PDE3A: variants seen among roughly 807,000 people sequenced by gnomAD.
The protein encoded by PDE3A is cGMP-inhibited 3',5'-cyclic phosphodiesterase 3A.
A neutral mutation model predicts 98.3 loss-of-function variants in PDE3A; 43 were observed. That is an observed-to-expected ratio of 0.44 (90% CI 0.34 to 0.56). PDE3A has a LOEUF of 0.56. Among genes scored for constraint, PDE3A ranks in the 20% least tolerant of loss-of-function variants. The pLI is 0.01. For missense variants in PDE3A, 1,427 were observed against 1,440.7 expected (o/e 0.99, Z 0.15); for synonymous variants, 663 against 567.9 (o/e 1.17, Z -2.38).
chr12:20,633,847 C>G lies in PDE3A; in HGVS notation c.1846+69C>G. ...CTTATTTTTGTTTTCCTGATCAAAA[C>G]AGTGATCTACATTTCTGATATTTTG... On this transcript the variant is annotated intron_variant, in intron 7 of 15. Transcript: ENST00000359062. The G allele has an allele frequency of 5.6e-6, 5 of 891,250 alleles. No homozygotes were observed. In the South Asian group the frequency reaches 8.0e-5, roughly 14 times the overall value. 55.2% of individuals were successfully genotyped at this position (891,250 alleles called of 1,614,324 possible). A position where few individuals can be genotyped will look rare whatever the true frequency, so the allele number is the denominator to read the frequency against.
At chr12:20,370,714 C>T (rs1591851689) in intron 1 of PDE3A, among the ~76,000 whole-genome samples, 1 of 152,078 alleles carries the variant, frequency 6.6e-6, no homozygotes, top group South Asian at 2.1e-4. Flanking sequence ...TGATATTAAA[C>T]ATTTATGAAA....
intron 10 of PDE3A, among the ~76,000 whole-genome samples, chr12:20,642,173 G>A (rs1377534665): frequency 6.6e-6 from 1 of 152,022 alleles, no homozygotes. Context: ...ATATGATAAT[G>A]TGTGCAAATA....
intron 1 of PDE3A, among the ~76,000 whole-genome samples, chr12:20,527,319 T>C (rs1946543126): frequency 6.6e-6 from 1 of 152,226 alleles, no homozygotes; most frequent in Non-Finnish European, 1.5e-5. Context: ...CGTTTCTAAA[T>C]GGATAGCCAG....
chr12:20,373,350 C>T (rs989889684), intron 1 of PDE3A, among the ~76,000 whole-genome samples: 14 of 152,010 alleles, frequency 9.2e-5, no homozygotes, highest in African/African-American at 3.4e-4. Context: ...CTCAAAGTAC[C>T]ACTGTGCCCT....
intron 15 of PDE3A, among the ~76,000 whole-genome samples, chr12:20,674,092 CCTT>C (rs1442666983): frequency 6.6e-6 from 1 of 151,912 alleles, no homozygotes; most frequent in Non-Finnish European, 1.5e-5. Flanking sequence ...AAAGGGATTG[CCTT>C]CTTAATTTCT....
chr12:20,646,374 A>G, intron 10 of PDE3A, 116 bp from the exon 11 acceptor site: 6 of 634,276 alleles, frequency 9.5e-6, no homozygotes, highest in Non-Finnish European at 1.7e-5. Context: ...AGTTTGGCCA[A>G]CTTTCATGGA....
chr12:20,666,625 C>A (rs1423014394), intron 15 of PDE3A, among the ~76,000 whole-genome samples: 1 of 152,154 alleles, frequency 6.6e-6, no homozygotes, highest in Non-Finnish European at 1.5e-5. Flanking sequence ...CTTTTTATGT[C>A]TGAATATTAT....
chr12:20,388,178 T>C (rs560530708), intron 1 of PDE3A, among the ~76,000 whole-genome samples: 1 of 152,014 alleles, frequency 6.6e-6, no homozygotes, highest in Non-Finnish European at 1.5e-5. Context: ...CTTTTAGGAA[T>C]GGTAATGTGT....
intron 2 of PDE3A, among the ~76,000 whole-genome samples, chr12:20,605,738 C>A (rs933783849): frequency 6.6e-6 from 1 of 152,142 alleles, no homozygotes; most frequent in Non-Finnish European, 1.5e-5. Context: ...AGCATTTCTA[C>A]TAGGTTATCT....
intron 6 of PDE3A, 36 bp from the exon 7 acceptor site, chr12:20,633,654 AGAG>A (rs1272684332): frequency 5.1e-5 from 62 of 1,215,082 alleles, no homozygotes; most frequent in Non-Finnish European, 7.2e-5. Context: ...CTTTTTGAAA[AGAG>A]GAGGCTACAC....
intron 1 of PDE3A, among the ~76,000 whole-genome samples, chr12:20,385,949 AT>A (rs1318719050): frequency 7.7e-6 from 1 of 129,440 alleles, no homozygotes; most frequent in Non-Finnish European, 1.5e-5. Flanking sequence ...ACAAAGTATT[AT>A]ATTAATTATT....
Position 20,668,015 on chromosome 12 carries a change from G to A in PDE3A, c.3185-12015G>A, listed in dbSNP as rs557747163. Among the ~76,000 whole-genome samples the A allele has an allele frequency of 1.3e-3, 198 of 152,254 alleles. 1 individual carries two copies. Among genetic ancestry groups the A allele is most frequent in the Admixed American group, 2.9e-3 (45 of 15,292 alleles). On this transcript the variant is annotated intron_variant, in intron 15 of 15. Transcript: ENST00000359062. ...CGCACCGTGCGCGAGCCAAAGCAGG[G>A]CGAGGCATTGCCTCACTTGGGAAAC...
chr12:20,388,477 C>T (rs939259277), intron 1 of PDE3A, among the ~76,000 whole-genome samples: 1 of 151,836 alleles, frequency 6.6e-6, no homozygotes, highest in East Asian at 1.9e-4. Flanking sequence ...TTGTTTTAGA[C>T]GTGGCAACAA....
intron 1 of PDE3A, among the ~76,000 whole-genome samples, chr12:20,454,985 C>A (rs1395131303): frequency 6.6e-6 from 1 of 152,154 alleles, no homozygotes; most frequent in Non-Finnish European, 1.5e-5. Context: ...TGGGTATATA[C>A]CCAGTAATGA....
chr12:20,552,777 T>C lies in PDE3A; in HGVS notation c.961-3883T>C. ...GCAGCCCGTTCCAGTTGTTCCTGAG[T>C]AAAGTGGAGGAGACGTTCCAGTGTA... is the stretch of plus-strand genomic sequence containing the variant. On this transcript the variant is annotated intron_variant, in intron 1 of 15. Coordinates refer to ENST00000359062, the MANE Select transcript of PDE3A (RefSeq NM_000921.5). This position sits in a 1 kb window ranked among gnomAD's most constrained non-coding sequence, Gnocchi z 5.1. 6.2e-7 allele frequency: 1 copy of C among 1,613,962 alleles called. No individual in the cohort carries two copies. The highest frequency in any genetic ancestry group is 1.7e-5 in the Admixed American group (1 of 60,024).
intron 1 of PDE3A, among the ~76,000 whole-genome samples, chr12:20,485,230 T>C (rs1945705148): frequency 6.6e-6 from 1 of 152,148 alleles, no homozygotes. Context: ...CTCCTAGCTT[T>C]TGGGGACTCA....
chr12:20,639,763 A>C, intron 9 of PDE3A, 83 bp from the exon 10 acceptor site: 1 of 669,266 alleles, frequency 1.5e-6, no homozygotes, highest in South Asian at 1.8e-5. Context: ...TCCGTTACCG[A>C]TATTTACCTA....
intron 1 of PDE3A, among the ~76,000 whole-genome samples, chr12:20,384,101 A>G (rs960028806): frequency 6.6e-5 from 10 of 151,812 alleles, no homozygotes; most frequent in African/African-American, 2.4e-4. Context: ...AGTTCCTTTA[A>G]TGTTTTCTCT....
intron 15 of PDE3A, among the ~76,000 whole-genome samples, chr12:20,678,495 A>T (rs900627784): frequency 1.3e-5 from 2 of 152,252 alleles, no homozygotes; most frequent in African/African-American, 4.8e-5. Context: ...TTTTGTTAGA[A>T]GTTATAAAAT....
Sources: allele counts gnomAD v4.1 joint callset (sites outside exome capture counted in the v4.1 genomes callset), GRCh38; gene constraint gnomAD v4.1.1; non-coding constraint Gnocchi (gnomAD v3.1); transcripts MANE v1.5; gene names NCBI Gene and HGNC (gene_info 2026-07-23, HGNC 2026-07-21).